The following PTK2B variants were observed in gnomAD, a reference collection of about 807,000 sequenced individuals.
The protein encoded by PTK2B is protein tyrosine kinase 2 beta.
In PTK2B, 71 loss-of-function variants were observed where a neutral mutation model predicts 142.9. The ratio of observed to expected loss-of-function variants is 0.50; its 90% CI spans 0.41 to 0.61. PTK2B has a LOEUF of 0.61. PTK2B is among the 20% of genes least tolerant of loss of function. PTK2B has a pLI of 0.00. For synonymous variants in PTK2B, 519 were observed against 503.4 expected (o/e 1.03, Z -0.42); for missense variants, 1,105 against 1,320.4 (o/e 0.84, Z 2.53).
intron 1 of PTK2B, among the ~76,000 whole-genome samples, chr8:27,389,291 G>A (rs1006678920): frequency 1.3e-5 from 2 of 152,044 alleles, no homozygotes; most frequent in East Asian, 3.9e-4. Flanking sequence ...GAGGGAGGGA[G>A]GGAAGGAAGG....
chr8:27,348,977 T>G (rs556907787), intron 1 of PTK2B, among the ~76,000 whole-genome samples: 12 of 152,082 alleles, frequency 7.9e-5, no homozygotes, highest in Non-Finnish European at 1.8e-4. Context: ...TACCCATGCC[T>G]CTGTCTTTCC....
intron 1 of PTK2B, among the ~76,000 whole-genome samples, chr8:27,354,453 G>A (rs984341955): frequency 2.6e-5 from 4 of 152,120 alleles, no homozygotes; most frequent in Non-Finnish European, 5.9e-5. Flanking sequence ...GAAAGCCAGT[G>A]AAATTCTCCC....
intron 1 of PTK2B, among the ~76,000 whole-genome samples, chr8:27,335,804 CTGTTTT>C (rs1804026241): frequency 1.3e-5 from 2 of 152,078 alleles, no homozygotes; most frequent in Admixed American, 1.3e-4. Context: ...TTCAAGCCTC[CTGTTTT>C]TTATTTGTAT....
In PTK2B at chr8:27,454,288, G is replaced by A; in HGVS notation, c.2730G>A (p.Val910=). 6.2e-7 allele frequency: 1 copy of A among 1,613,170 alleles called. No individual in the cohort carries two copies. The highest frequency in any genetic ancestry group is 1.3e-5 in the African/African-American group (1 of 75,036). The part of the protein sequence containing the change: ...QLPPEGYVVV[V]KNVGLTLRKL... ...CCCCCGAGGGCTACGTGGTGGTGGT[G>A]AAGGTGAGAGCAGGGCTGGGTTGGG... The change falls in exon 29 of 31, where the codon GTG becomes GTA. Residue 910 remains valine (V), a synonymous_variant. Coordinates refer to ENST00000346049, the MANE Select transcript of PTK2B (RefSeq NM_173176.3).
At chr8:27,404,866 G>T (rs1808605514) in intron 2 of PTK2B, among the ~76,000 whole-genome samples, 1 of 152,152 alleles carries the variant, frequency 6.6e-6, no homozygotes, top group African/African-American at 2.4e-5. Context: ...ATATGCTGAT[G>T]CCCTAACACC....
intron 1 of PTK2B, chr8:27,326,747 A>C (rs1477117040): frequency 6.5e-6 from 1 of 152,880 alleles, no homozygotes; most frequent in East Asian, 1.9e-4. Flanking sequence ...CTGATGAAAA[A>C]GTGACTAAAG....
At chr8:27,441,732 G>A (rs953466748) in intron 21 of PTK2B, among the ~76,000 whole-genome samples, 2 of 152,210 alleles carry the variant, frequency 1.3e-5, no homozygotes, top group Non-Finnish European at 2.9e-5. Context: ...TTGTATGGGA[G>A]GTTTGAGAAG....
chr8:27,410,963 T>A (rs969489043), intron 2 of PTK2B, among the ~76,000 whole-genome samples: 1 of 152,228 alleles, frequency 6.6e-6, no homozygotes, highest in Admixed American at 6.5e-5. Flanking sequence ...ATAACCAGGC[T>A]GTGAGCCATG....
chr8:27,329,824 C>G (rs561226535), intron 1 of PTK2B, among the ~76,000 whole-genome samples: 2 of 152,146 alleles, frequency 1.3e-5, no homozygotes, highest in African/African-American at 4.8e-5. Context: ...TTTGGTACCC[C>G]CTGAGTGACG....
At chr8:27,397,501 G>A (rs1232696925) in intron 1 of PTK2B, 47 bp from the exon 2 acceptor site, 1 of 1,430,940 alleles carries the variant, frequency 7.0e-7, no homozygotes, top group Non-Finnish European at 9.8e-7. Flanking sequence ...GAGGTATGTG[G>A]GCCTGTGTGG....
rs2132103841 is a variant in PTK2B, at chr8:27,434,537, C to T, written c.1170C>T (p.His390=). The change falls in exon 13 of 31, where the codon CAC becomes CAT. Residue 390 remains histidine (H), a synonymous_variant. Coordinates refer to ENST00000346049, the MANE Select transcript of PTK2B (RefSeq NM_173176.3). ...GAAACCTGGAGGCCCGGCGGTCCCA[C>T]CTCTCAGAGAGCTGCAGCATAGGTG... is the stretch of plus-strand genomic sequence containing the variant. The part of the protein sequence containing the change: ...PMLNLEARRS[H]LSESCSIESD... The T allele has an allele frequency of 6.2e-7, 1 of 1,608,322 alleles. No homozygotes were observed. The highest frequency in any genetic ancestry group is 8.5e-7 in the Non-Finnish European group (1 of 1,177,542).
At chr8:27,431,363 C>T (rs375138337) in intron 8 of PTK2B, 35 bp from the exon 9 acceptor site, 11 of 1,613,958 alleles carry the variant, frequency 6.8e-6, no homozygotes, top group Non-Finnish European at 9.3e-6. Context: ...GGGAGGACAG[C>T]TCTGGAACAA....
chr8:27,420,806 A>G, intron 4 of PTK2B, 62 bp downstream of exon 4: 1 of 1,435,042 alleles, frequency 7.0e-7, no homozygotes, highest in Non-Finnish European at 9.8e-7. Context: ...CCAAGCATGA[A>G]CCGTTCTCTC....
Position 27,454,178 on chromosome 8 carries a change from G to A in PTK2B, c.2620G>A (p.Asp874Asn). Residue 874 changes from aspartate (D) to asparagine (N), a missense_variant, in exon 29 of 31, where the codon GAC becomes AAC. Coordinates refer to ENST00000346049, the MANE Select transcript of PTK2B (RefSeq NM_173176.3). ...AQSIQPTANL[D>N]RTDDLVYLNV... The stretch of plus-strand genomic sequence containing the variant: ...GTCCATCCAGCCCACAGCTAACCTG[G>A]ACCGGACTGATGACCTGGTGTACCT... The A allele has an allele frequency of 6.2e-7, 1 of 1,614,138 alleles. No homozygotes were observed. Among genetic ancestry groups the A allele is most frequent in the South Asian group, 1.1e-5 (1 of 91,074 alleles).
At chr8:27,434,036 C>T (rs1810612284) in intron 11 of PTK2B, 57 bp from the exon 12 acceptor site, 1 of 1,579,264 alleles carries the variant, frequency 6.3e-7, no homozygotes, top group Admixed American at 1.7e-5. Context: ...AGGTCAGTCA[C>T]CCATCCAGGT....
chr8:27,444,826 C>T (rs1030860423), intron 23 of PTK2B, among the ~76,000 whole-genome samples: 1 of 152,178 alleles, frequency 6.6e-6, no homozygotes, highest in African/African-American at 2.4e-5. Flanking sequence ...TCTTCTCTTG[C>T]ATCCCCCAGC....
intron 3 of PTK2B, among the ~76,000 whole-genome samples, chr8:27,316,232 CTT>C (rs1283667569): frequency 1.3e-5 from 2 of 151,928 alleles, no homozygotes; most frequent in Admixed American, 6.6e-5. Flanking sequence ...TAAGGAATAA[CTT>C]TTTAAATTGT....
intron 17 of PTK2B, 93 bp from the exon 18 acceptor site, chr8:27,437,672 C>A: frequency 7.4e-7 from 1 of 1,347,694 alleles, no homozygotes; most frequent in Non-Finnish European, 1.0e-6. Context: ...CCCACCGCCC[C>A]CAGGGAAGGG....
intron 12 of PTK2B, 140 bp downstream of exon 12, chr8:27,434,272 C>A: frequency 8.4e-7 from 1 of 1,194,916 alleles, no homozygotes. Context: ...ATGATCTTTC[C>A]CTCCCAATAA....
Sources: allele counts gnomAD v4.1 joint callset (sites outside exome capture counted in the v4.1 genomes callset), GRCh38; gene constraint gnomAD v4.1.1; transcripts MANE v1.5; gene names NCBI Gene and HGNC (gene_info 2026-07-23, HGNC 2026-07-21).